FBN1: variants seen among roughly 807,000 people sequenced by gnomAD.
FBN1 encodes the protein fibrillin 1, also known as fibrillin-1.
A neutral mutation model predicts 365.1 loss-of-function variants in FBN1; 29 were observed. The observed-to-expected ratio is 0.08, with a 90% CI of 0.06 to 0.11. The LOEUF is 0.11. Ranked by LOEUF, FBN1 falls within the 10% of genes least tolerant of loss-of-function variation. The pLI is 1.00. For missense variants in FBN1, 2,476 were observed against 3,703.2 expected (o/e 0.67, Z 8.60); for synonymous variants, 1,210 against 1,270.5 (o/e 0.95, Z 1.01).
intron 49 of FBN1, among the ~76,000 whole-genome samples, chr15:48,442,605 T>C (rs1228611668): frequency 8.5e-5 from 13 of 152,228 alleles, no homozygotes; most frequent in Non-Finnish European, 1.9e-4. Context: ...AATAAGAAGT[T>C]TGAATGGCTT....
chr15:48,598,255 T>A (rs2044531015), intron 5 of FBN1, among the ~76,000 whole-genome samples: 1 of 152,246 alleles, frequency 6.6e-6, no homozygotes, highest in Non-Finnish European at 1.5e-5. Flanking sequence ...CTGAGGTCCC[T>A]GTGTTCCAGT....
intron 13 of FBN1, among the ~76,000 whole-genome samples, chr15:48,510,589 C>A (rs2043751194): frequency 6.6e-6 from 1 of 152,052 alleles, no homozygotes; most frequent in Non-Finnish European, 1.5e-5. Flanking sequence ...TTTTTTTAAA[C>A]AATCACCTTA....
At chr15:48,645,003 T>C (rs1025532861) in intron 1 of FBN1, 53 bp from the exon 2 acceptor site, 1 of 339,086 alleles carries the variant, frequency 2.9e-6, no homozygotes, top group Admixed American at 5.1e-5. Flanking sequence ...GGCATCGGGA[T>C]GCTGAAGCCT....
At chr15:48,434,802 G>A (rs553145722) in intron 53 of FBN1, 89 bp from the exon 54 acceptor site, 174 of 1,508,294 alleles carry the variant, frequency 1.2e-4, no homozygotes, top group Non-Finnish European at 1.5e-4. Flanking sequence ...TAATTTTGTT[G>A]TTGTTGTTGT....
intron 8 of FBN1, among the ~76,000 whole-genome samples, chr15:48,531,559 T>C (rs1475852712): frequency 6.6e-6 from 1 of 152,174 alleles, no homozygotes; most frequent in East Asian, 1.9e-4. Context: ...CAGAACCCCA[T>C]GGTTATACTC....
chr15:48,589,764 C>T (rs2044463576), intron 6 of FBN1, among the ~76,000 whole-genome samples: 1 of 152,018 alleles, frequency 6.6e-6, no homozygotes, highest in Non-Finnish European at 1.5e-5. Context: ...TAGGTGCCCA[C>T]CACCACGCCC....
Position 48,626,205 on chromosome 15 carries a change from C to T in FBN1, c.165-13113G>A, listed in dbSNP as rs186529719. Among the ~76,000 whole-genome samples, 491 of 149,544 alleles carry T rather than the reference C, an allele frequency of 3.3e-3. 1 individual carries two copies. Among genetic ancestry groups the T allele is most frequent in the Middle Eastern group, 0.02 (6 of 294 alleles). ...CCAGGAGGTTGAGGCTAGAGTGAGCCGCAATCACGCCACTGCACTCCAGCC... is the reference window on the plus strand; with the variant it reads ...CCAGGAGGTTGAGGCTAGAGTGAGCTGCAATCACGCCACTGCACTCCAGCC... On this transcript the variant is annotated intron_variant, in intron 2 of 65. Transcript: ENST00000316623.
chr15:48,545,222 T>C (rs541770594), intron 6 of FBN1, among the ~76,000 whole-genome samples: 1 of 152,282 alleles, frequency 6.6e-6, no homozygotes, highest in South Asian at 2.1e-4. Context: ...AATATAAAAA[T>C]TGTCAGGGGC....
intron 6 of FBN1, among the ~76,000 whole-genome samples, chr15:48,550,197 G>A (rs969790384): frequency 6.6e-6 from 1 of 152,174 alleles, no homozygotes; most frequent in Non-Finnish European, 1.5e-5. Context: ...AGACGCCCTC[G>A]TGGCCTTTCA....
Position 48,516,209 on chromosome 15 carries a change from T to C in FBN1, c.1301A>G (p.Tyr434Cys). ...QIPVPRPPVE[Y>C]LYPSREPPRV... ...TGGTGGCTCCCGAGATGGATACAGA[T>C]ATTCCACTGGTGGTCGAGGGACCGG... The change falls in exon 11 of 66, where the codon TAT (tyrosine) becomes TGT (cysteine). Residue 434 changes from tyrosine (Y) to cysteine (C), a missense_variant. By Grantham distance (194) the Tyr-to-Cys change is radical (BLOSUM62 -2). Coordinates refer to ENST00000316623, the MANE Select transcript of FBN1 (RefSeq NM_000138.5). The C allele has an allele frequency of 6.2e-7, 1 of 1,613,838 alleles. No individual in the cohort carries two copies. Among genetic ancestry groups the C allele is most frequent in the Non-Finnish European group, 8.5e-7 (1 of 1,179,896 alleles).
intron 50 of FBN1, among the ~76,000 whole-genome samples, chr15:48,439,159 G>C (rs2141242847): frequency 6.6e-6 from 1 of 152,320 alleles, no homozygotes; most frequent in Non-Finnish European, 1.5e-5. Flanking sequence ...AGGTTTTCAT[G>C]AATTAAAGTT....
intron 2 of FBN1, among the ~76,000 whole-genome samples, chr15:48,617,398 C>T (rs1185820831): frequency 6.6e-6 from 1 of 151,962 alleles, no homozygotes; most frequent in African/African-American, 2.4e-5. Flanking sequence ...TGGTCTCGAA[C>T]TCCTGACCTC....
intron 11 of FBN1, 43 bp downstream of exon 11, chr15:48,516,140 G>C: frequency 1.3e-6 from 2 of 1,542,044 alleles, no homozygotes; most frequent in Non-Finnish European, 1.8e-6. Context: ...ATGTTAACTT[G>C]AACAATGCAA....
chr15:48,604,859 G>A (rs563953082), intron 4 of FBN1, among the ~76,000 whole-genome samples: 23 of 152,248 alleles, frequency 1.5e-4, no homozygotes, highest in African/African-American at 5.5e-4. Flanking sequence ...CTAACACACT[G>A]GTCTAGAATT....
At position 48,474,581 on chromosome 15, in the gene FBN1, C is replaced by T. The variant is rs767079851; in HGVS notation, c.4034G>A (p.Ser1345Asn). The change falls in exon 33 of 66, where the codon AGC becomes AAC. Residue 1345 changes from serine to asparagine, a missense_variant. This residue lies in a region of FBN1 where 1,780 missense variants were observed against 2,840.8 expected (regional missense o/e 0.63). Transcript: ENST00000316623. Reference protein sequence around the residue: ...KHAVCTNTAGSFKCSCSPGWI... With the variant: ...KHAVCTNTAGNFKCSCSPGWI... ...CCCGGGACTGCAGCTACATTTGAAGCTTCCTGCTGTATTGGTACATACAGC... is the reference window on the plus strand; with the variant it reads ...CCCGGGACTGCAGCTACATTTGAAGTTTCCTGCTGTATTGGTACATACAGC... 6.2e-7 allele frequency: 1 copy of T among 1,614,186 alleles called. No homozygotes were observed. Among genetic ancestry groups the T allele is most frequent in the South Asian group, 1.1e-5 (1 of 91,084 alleles).
chr15:48,503,675 A>T, intron 17 of FBN1, 112 bp downstream of exon 17: 1 of 1,413,316 alleles, frequency 7.1e-7, no homozygotes, highest in South Asian at 1.2e-5. Flanking sequence ...AAGAAGGCAC[A>T]TGGCGTACCT....
intron 42 of FBN1, among the ~76,000 whole-genome samples, chr15:48,461,853 T>C (rs1033620198): frequency 6.6e-6 from 1 of 152,224 alleles, no homozygotes; most frequent in Admixed American, 6.5e-5. Flanking sequence ...CTGAAGTTCA[T>C]GTAACTTTCA....
rs143738742 is a variant in FBN1, at chr15:48,630,873, T to C, written c.164+13733A>G. On this transcript the variant is annotated intron_variant, in intron 2 of 65. Coordinates refer to ENST00000316623, the MANE Select transcript of FBN1 (RefSeq NM_000138.5). ...ACGGGGATGAGAGACATTAAGTAAT[T>C]TGAACATTTTCAATGGCAAATAGAA... Among the ~76,000 whole-genome samples the C allele has an allele frequency of 3.9e-3, 596 of 152,344 alleles. 15 individuals carry two copies. Among genetic ancestry groups the C allele is most frequent in the Admixed American group, 0.036 (552 of 15,300 alleles).
intron 40 of FBN1, among the ~76,000 whole-genome samples, chr15:48,464,964 T>C (rs939921416): frequency 3.3e-5 from 5 of 152,228 alleles, no homozygotes; most frequent in African/African-American, 7.2e-5. Context: ...GAATATTTCT[T>C]ATGCAGAGCA....
Sources: allele counts gnomAD v4.1 joint callset (sites outside exome capture counted in the v4.1 genomes callset), GRCh38; gene constraint gnomAD v4.1.1; regional missense constraint gnomAD v4.1.1; transcripts MANE v1.5; gene names NCBI Gene and HGNC (gene_info 2026-07-23, HGNC 2026-07-21).